Variants in ANKRD27 observed in about 807,000 individuals in gnomAD.
ANKRD27 encodes ankyrin repeat domain-containing protein 27.
Under a neutral mutation model 129.7 loss-of-function variants are expected in ANKRD27, and 112 were observed. The ratio of observed to expected loss-of-function variants is 0.86; its 90% confidence interval spans 0.74 to 1.01. The LOEUF (loss-of-function observed/expected upper bound fraction) is 1.01. Among genes scored for constraint, ANKRD27 ranks in the 50% least tolerant of loss-of-function variants. ANKRD27 has a pLI of 0.00. For synonymous variants in ANKRD27, 516 were observed against 511.2 expected (o/e 1.01, Z -0.13); for missense variants, 1,258 against 1,300.5 (o/e 0.97, Z 0.50).
intron 22 of ANKRD27, among the ~76,000 whole-genome samples, chr19:32,614,145 A>C (rs1221039546): frequency 2.0e-5 from 3 of 152,026 alleles, no homozygotes; most frequent in Non-Finnish European, 4.4e-5. Context: ...TTGTGAGAGA[A>C]CTGTGCTTTC....
At chr19:32,611,804 T>C (rs10412323) in intron 22 of ANKRD27, among the ~76,000 whole-genome samples, 88,850 of 152,094 alleles carry the variant, frequency 0.58, 27,068 homozygotes, top group Non-Finnish European at 0.69. Flanking sequence ...TGGTCTCGAA[T>C]TCCTGACCTC....
chr19:32,652,286 T>A (rs1239527575), intron 2 of ANKRD27, among the ~76,000 whole-genome samples: 1 of 152,216 alleles, frequency 6.6e-6, no homozygotes, highest in Admixed American at 6.5e-5. Context: ...AAGAATTTTT[T>A]AAATCACAGT....
At chr19:32,622,317 G>C in intron 18 of ANKRD27, 105 bp downstream of exon 18, 1 of 1,215,120 alleles carries the variant, frequency 8.2e-7, no homozygotes, top group Non-Finnish European at 1.2e-6. Context: ...GCCAAGTTCT[G>C]CCCTCAGGCA....
intron 13 of ANKRD27, among the ~76,000 whole-genome samples, chr19:32,629,085 TA>T (rs1966943821): frequency 6.6e-6 from 1 of 152,282 alleles, no homozygotes; most frequent in South Asian, 2.1e-4. Context: ...CACACCTGGC[TA>T]ATTTTTATAT....
chr19:32,634,025 T>C (rs1967046386), intron 12 of ANKRD27, among the ~76,000 whole-genome samples: 1 of 152,096 alleles, frequency 6.6e-6, no homozygotes, highest in Admixed American at 6.5e-5. Flanking sequence ...AGCGAGATCC[T>C]GTCTCTAAGA....
At chr19:32,614,823 G>A (rs1311258059) in intron 22 of ANKRD27, among the ~76,000 whole-genome samples, 3 of 152,102 alleles carry the variant, frequency 2.0e-5, no homozygotes, top group Admixed American at 2.0e-4. Context: ...ACACACACGA[G>A]AACAAGCAGA....
intron 20 of ANKRD27, among the ~76,000 whole-genome samples, chr19:32,618,040 G>C (rs1406369338): frequency 6.6e-6 from 1 of 152,088 alleles, no homozygotes; most frequent in Non-Finnish European, 1.5e-5. Flanking sequence ...TTACAGGCGT[G>C]AGCCACCACG....
At chr19:32,618,265 A>G (rs1568401378) in intron 20 of ANKRD27, among the ~76,000 whole-genome samples, 1 of 151,650 alleles carries the variant, frequency 6.6e-6, no homozygotes, top group African/African-American at 2.4e-5. Flanking sequence ...TCGCCTTGGA[A>G]CACAAGTCCT....
At position 32,607,462 on chromosome 19, in the gene ANKRD27, A is replaced by C. The variant is rs565518639; in HGVS notation, c.2373+173T>G. Among the ~76,000 whole-genome samples the C allele has an allele frequency of 4.5e-4, 69 of 152,244 alleles. 1 individual carries two copies. In the East Asian group the frequency reaches 0.013, roughly 29 times the overall value. On this transcript the variant is annotated intron_variant, in intron 23 of 28. Transcript: ENST00000306065. ...CTGGCTCCACCCCCAGGGAGCATCA[A>C]GGCTCTGTGCTCCGAGGCTGAGTGG...
At chr19:32,628,039 C>A in intron 15 of ANKRD27, 44 bp downstream of exon 15, 1 of 1,580,342 alleles carries the variant, frequency 6.3e-7, no homozygotes, top group Non-Finnish European at 8.7e-7. Context: ...GGGCACCATC[C>A]CTTTGCTGTG....
At chr19:32,600,990 A>G (rs1971643269) in intron 26 of ANKRD27, among the ~76,000 whole-genome samples, 1 of 152,096 alleles carries the variant, frequency 6.6e-6, no homozygotes, top group African/African-American at 2.4e-5. Flanking sequence ...ACCTCCGTAC[A>G]CGTACAAACT....
At chr19:32,645,365 T>C (rs1381446437) in intron 4 of ANKRD27, among the ~76,000 whole-genome samples, 2 of 151,910 alleles carry the variant, frequency 1.3e-5, no homozygotes, top group East Asian at 3.9e-4. Context: ...TGAGCCAAGA[T>C]TGCGCCACTG....
At chr19:32,661,846 CATAT>C (rs750841299) in intron 1 of ANKRD27, among the ~76,000 whole-genome samples, 1 of 152,184 alleles carries the variant, frequency 6.6e-6, no homozygotes, top group Admixed American at 6.5e-5. Flanking sequence ...GAAAAAAACA[CATAT>C]AAGTGGACCC....
In ANKRD27 at chr19:32,640,537, C is replaced by T. The variant is rs571338702; in HGVS notation, c.905-152G>A. 1.6e-4 allele frequency: 106 copies of T among 650,726 alleles called. 1 individual carries two copies. In the Middle Eastern group the frequency reaches 3.6e-3, roughly 22 times the overall value. The allele number at this position is 650,726 out of a possible 1,614,324, so 40.3% of individuals were successfully genotyped here. ...TGTCATTGCACAAGCTCCTTTACAG[C>T]GTCCTGATCAGATGTCAGGTCCAGG... is the stretch of plus-strand genomic sequence containing the variant. On this transcript the variant is annotated intron_variant, in intron 10 of 28. Transcript: ENST00000306065.
chr19:32,620,482 T>C (rs1483353838), intron 18 of ANKRD27, among the ~76,000 whole-genome samples: 2 of 151,566 alleles, frequency 1.3e-5, no homozygotes, highest in African/African-American at 4.8e-5. Context: ...GGCAGGAGAA[T>C]TGCTTGAACC....
intron 2 of ANKRD27, among the ~76,000 whole-genome samples, chr19:32,658,226 A>T (rs1967579208): frequency 6.6e-6 from 1 of 152,116 alleles, no homozygotes; most frequent in Admixed American, 6.5e-5. Flanking sequence ...ACACAAATGC[A>T]CCCGGGACAC....
chr19:32,657,230 G>A (rs545157848), intron 2 of ANKRD27, among the ~76,000 whole-genome samples: 3 of 152,176 alleles, frequency 2.0e-5, no homozygotes, highest in South Asian at 4.1e-4. Flanking sequence ...CTGGGGGGCC[G>A]AGGCGGGTGG....
rs1295714575 is a variant in ANKRD27, at chr19:32,659,017, T to C, written c.-2A>G. Reference sequence around the variant, plus strand: ...GAGGTCTTCATCATACAGAGCCATATGGACTTCAGATGGGTCAGAGCAAAT... The same window carrying C: ...GAGGTCTTCATCATACAGAGCCATACGGACTTCAGATGGGTCAGAGCAAAT... On this transcript the variant is annotated 5_prime_UTR_variant, in exon 2 of 29. Transcript: ENST00000306065. 1.9e-6 allele frequency: 3 copies of C among 1,611,354 alleles called. No individual in the cohort carries two copies. The highest frequency in any genetic ancestry group is 2.2e-5 in the East Asian group (1 of 44,854).
chr19:32,656,890 A>G (rs113846628), intron 2 of ANKRD27, among the ~76,000 whole-genome samples: 5 of 152,168 alleles, frequency 3.3e-5, no homozygotes, highest in African/African-American at 7.2e-5. Context: ...ATTGCTGTGA[A>G]ATGAAGAGAT....
Sources: gnomAD v4.1 joint callset for allele counts (sites outside exome capture counted in the v4.1 genomes callset) on GRCh38, gnomAD v4.1.1 for gene constraint, MANE v1.5 for transcripts, NCBI Gene and HGNC (gene_info 2026-07-23, HGNC 2026-07-21) for gene names.